CSMD2: variants seen among roughly 807,000 people sequenced by gnomAD.
CSMD2 encodes CUB and sushi domain-containing protein 2.
A neutral mutation model predicts 398.5 loss-of-function variants in CSMD2; 130 were observed. The observed-to-expected ratio is 0.33, with a 90% confidence interval of 0.28 to 0.38. CSMD2 has a LOEUF of 0.38. Ranked by LOEUF, CSMD2 falls within the 10% of genes least tolerant of loss-of-function variation. The pLI is 1.00. For synonymous variants in CSMD2, 1,828 were observed against 1,908.5 expected, an observed-to-expected ratio of 0.96 and a Z score of 1.10; for missense variants, 3,829 against 4,764.9, an observed-to-expected ratio of 0.80 and a Z score of 5.78.
chr1:34,035,832 T>C (rs1651054463), intron 2 of CSMD2, among the ~76,000 whole-genome samples: 1 of 150,826 alleles, frequency 6.6e-6, no homozygotes. Flanking sequence ...ATTCAACAAC[T>C]CAGTTAGAAA....
At chr1:33,781,334 T>C (rs1456729529) in intron 12 of CSMD2, among the ~76,000 whole-genome samples, 2 of 152,240 alleles carry the variant, frequency 1.3e-5, no homozygotes, top group Non-Finnish European at 2.9e-5. Context: ...TTGAGCAAGA[T>C]TTGCTGCCCC....
chr1:34,147,668 T>C (rs1362438323), intron 1 of CSMD2, among the ~76,000 whole-genome samples: 1 of 151,734 alleles, frequency 6.6e-6, no homozygotes, highest in East Asian at 1.9e-4. Flanking sequence ...GGGCTGTTTT[T>C]TAGTGTATTA....
intron 19 of CSMD2, among the ~76,000 whole-genome samples, chr1:33,720,774 C>T (rs572878377): frequency 1.8e-4 from 27 of 152,206 alleles, no homozygotes; most frequent in African/African-American, 3.9e-4. Context: ...CTCGGCTCAC[C>T]GCAACCTCTG....
At chr1:33,637,433 C>T in intron 29 of CSMD2, among the ~76,000 whole-genome samples, 1 of 152,208 alleles carries the variant, frequency 6.6e-6, no homozygotes. Context: ...TCAAACAAGA[C>T]CACTCTTGAC....
Position 33,743,272 on chromosome 1 carries a change from G to C in CSMD2, c.2173+8C>G. On this transcript the variant is annotated splice_region_variant and intron_variant, in intron 14 of 70. Coordinates refer to ENST00000373381, the MANE Select transcript of CSMD2 (RefSeq NM_001281956.2). ...GGAGGGCCAGCTGGTGACAGAGGGA[G>C]GACTCACTGGTAAAAGTGATGTTGA... 6.3e-7 allele frequency: 1 copy of C among 1,586,010 alleles called. No homozygotes were observed.
intron 15 of CSMD2, among the ~76,000 whole-genome samples, chr1:33,728,264 C>A (rs1391220408): frequency 6.6e-6 from 1 of 152,072 alleles, no homozygotes; most frequent in Non-Finnish European, 1.5e-5. Flanking sequence ...GCACTTCTCT[C>A]TCTGCAAAGT....
At chr1:33,720,811 C>A (rs1449376709) in intron 19 of CSMD2, among the ~76,000 whole-genome samples, 1 of 152,172 alleles carries the variant, frequency 6.6e-6, no homozygotes, top group Non-Finnish European at 1.5e-5. Flanking sequence ...AATTCTCCTG[C>A]CTCAGCCTCC....
chr1:33,523,455 T>G (rs1463849526), intron 66 of CSMD2, 36 bp from the exon 67 acceptor site: 5 of 978,456 alleles, frequency 5.1e-6, no homozygotes, highest in Middle Eastern at 2.2e-4. Context: ...ACATGAAAGA[T>G]ATGGGAAAAT....
chr1:34,016,093 ATTTAG>A (rs909847214), intron 3 of CSMD2, among the ~76,000 whole-genome samples: 14 of 152,070 alleles, frequency 9.2e-5, no homozygotes, highest in Admixed American at 7.2e-4. Flanking sequence ...ATATACATAT[ATTTAG>A]TTAAGATTTA....
chr1:33,707,203 G>T (rs1645816264), intron 22 of CSMD2, among the ~76,000 whole-genome samples: 1 of 152,220 alleles, frequency 6.6e-6, no homozygotes, highest in Admixed American at 6.5e-5. Flanking sequence ...AGCCATTTCT[G>T]CTGGCTCTAT....
intron 5 of CSMD2, among the ~76,000 whole-genome samples, chr1:33,896,253 A>G (rs1438407565): frequency 2.0e-5 from 3 of 151,962 alleles, no homozygotes; most frequent in African/African-American, 7.3e-5. Context: ...GGAGGGGAGT[A>G]GCGAGGGGGA....
chr1:33,795,852 A>G (rs962957294), intron 10 of CSMD2, among the ~76,000 whole-genome samples: 6 of 152,222 alleles, frequency 3.9e-5, no homozygotes, highest in Admixed American at 1.3e-4. Flanking sequence ...TGGGAGAACA[A>G]TTTCCAAAGC....
chr1:33,586,668 G>A (rs1639100279), intron 45 of CSMD2, 51 bp from the exon 46 acceptor site: 1 of 1,223,258 alleles, frequency 8.2e-7, no homozygotes, highest in Non-Finnish European at 1.2e-6. Flanking sequence ...CCAGTCATTA[G>A]TACCTTGAAC....
At chr1:34,129,798 C>T (rs574687087) in intron 1 of CSMD2, among the ~76,000 whole-genome samples, 7 of 152,328 alleles carry the variant, frequency 4.6e-5, no homozygotes, top group South Asian at 4.1e-4. Context: ...ACAGAGCATC[C>T]GGCAGCACTG....
At chr1:33,632,444 A>T (rs1642519101) in intron 32 of CSMD2, among the ~76,000 whole-genome samples, 1 of 152,170 alleles carries the variant, frequency 6.6e-6, no homozygotes, top group African/African-American at 2.4e-5. Context: ...GCTTGTAGAA[A>T]AATCGACACA....
intron 42 of CSMD2, among the ~76,000 whole-genome samples, chr1:33,604,820 G>T (rs1412685967): frequency 6.6e-6 from 1 of 151,902 alleles, no homozygotes; most frequent in Non-Finnish European, 1.5e-5. Context: ...TGTAGAAGGA[G>T]AGTATAATGG....
intron 44 of CSMD2, chr1:33,599,295 G>C (rs1273931203): frequency 6.6e-6 from 1 of 152,168 alleles, no homozygotes; most frequent in Non-Finnish European, 1.5e-5. Context: ...TGAAGGCTCA[G>C]GAACAGGAAC....
intron 3 of CSMD2, among the ~76,000 whole-genome samples, chr1:33,985,042 T>G (rs1646306907): frequency 6.6e-6 from 1 of 152,208 alleles, no homozygotes; most frequent in African/African-American, 2.4e-5. Context: ...ACGTGTGGCG[T>G]TAACGGTTCC....
chr1:33,728,964 T>C (rs1485198679), intron 15 of CSMD2, among the ~76,000 whole-genome samples: 2 of 152,146 alleles, frequency 1.3e-5, no homozygotes, highest in African/African-American at 4.8e-5. Context: ...CAACTACTAA[T>C]GCTTTCCTCC....
Sources: gnomAD v4.1 joint callset for allele counts (sites outside exome capture counted in the v4.1 genomes callset) on GRCh38, gnomAD v4.1.1 for gene constraint, MANE v1.5 for transcripts, NCBI Gene and HGNC (gene_info 2026-07-23, HGNC 2026-07-21) for gene names.